The following TNR variants were observed in gnomAD, a reference collection of about 807,000 sequenced individuals.
TNR encodes tenascin-R.
In TNR, 45 loss-of-function variants were observed where a neutral mutation model predicts 150.4. The ratio of observed to expected loss-of-function variants is 0.30; its 90% CI spans 0.24 to 0.38. The LOEUF (loss-of-function observed/expected upper bound fraction) is 0.38, where lower values mean the gene tolerates loss of function less well. TNR is among the 10% of genes least tolerant of loss of function. The pLI is 1.00. For synonymous variants in TNR, 687 were observed against 678.4 expected (o/e 1.01, Z -0.20); for missense variants, 1,544 against 1,759.1 (o/e 0.88, Z 2.19).
intron 1 of TNR, among the ~76,000 whole-genome samples, chr1:175,684,536 C>T (rs1341482020): frequency 2.0e-5 from 3 of 152,158 alleles, no homozygotes; most frequent in Non-Finnish European, 4.4e-5. Context: ...TATAACTGAA[C>T]AACGTTACAC....
intron 1 of TNR, among the ~76,000 whole-genome samples, chr1:175,583,694 C>T (rs549058898): frequency 4.9e-4 from 74 of 152,246 alleles, no homozygotes; most frequent in African/African-American, 1.5e-3. Flanking sequence ...TACCAAATAC[C>T]CCCTTCCCCT....
intron 2 of TNR, among the ~76,000 whole-genome samples, chr1:175,436,281 G>A (rs1413943165): frequency 1.3e-5 from 2 of 152,182 alleles, no homozygotes; most frequent in Non-Finnish European, 2.9e-5. Flanking sequence ...ACACCAATCA[G>A]ACATAGATTT....
intron 1 of TNR, among the ~76,000 whole-genome samples, chr1:175,630,976 G>A (rs1274240643): frequency 1.3e-5 from 2 of 152,152 alleles, no homozygotes; most frequent in East Asian, 1.9e-4. Flanking sequence ...AATTAATTTC[G>A]GCTTTATCTG....
At chr1:175,461,500 C>A (rs1207104697) in intron 2 of TNR, among the ~76,000 whole-genome samples, 1 of 152,120 alleles carries the variant, frequency 6.6e-6, no homozygotes, top group African/African-American at 2.4e-5. Flanking sequence ...TTATCGGGGC[C>A]CTTTCTTAGT....
chr1:175,580,136 T>C (rs1316153770), intron 1 of TNR, among the ~76,000 whole-genome samples: 1 of 152,214 alleles, frequency 6.6e-6, no homozygotes, highest in Non-Finnish European at 1.5e-5. Context: ...TGGCAGCTGA[T>C]GCAAGACAGC....
At chr1:175,570,018 ACTC>A (rs1165837528) in intron 1 of TNR, among the ~76,000 whole-genome samples, 1 of 151,624 alleles carries the variant, frequency 6.6e-6, no homozygotes, top group Non-Finnish European at 1.5e-5. Flanking sequence ...CATCCTACCC[ACTC>A]CTCCTTCACA....
chr1:175,454,441 C>G (rs859457), intron 2 of TNR, among the ~76,000 whole-genome samples: 22,358 of 152,166 alleles, frequency 0.15, 4,866 homozygotes, highest in African/African-American at 0.48. Flanking sequence ...GCAGAGCCCT[C>G]GGAGTATTGG....
At chr1:175,436,466 C>A (rs1378613908) in intron 2 of TNR, among the ~76,000 whole-genome samples, 1 of 152,108 alleles carries the variant, frequency 6.6e-6, no homozygotes, top group Non-Finnish European at 1.5e-5. Flanking sequence ...ATGTAGTTCT[C>A]TTGCCTTGGT....
intron 1 of TNR, among the ~76,000 whole-genome samples, chr1:175,602,654 A>C (rs1663283656): frequency 6.6e-6 from 1 of 152,240 alleles, no homozygotes; most frequent in African/African-American, 2.4e-5. Context: ...ACTCTTGTGA[A>C]GTTGTTGAGG....
intron 1 of TNR, among the ~76,000 whole-genome samples, chr1:175,666,859 A>T (rs1571731477): frequency 6.6e-6 from 1 of 152,062 alleles, no homozygotes; most frequent in Non-Finnish European, 1.5e-5. Flanking sequence ...CAATCCTCCC[A>T]CCTCAGCCTC....
At chr1:175,437,972 C>T (rs1291622201) in intron 2 of TNR, among the ~76,000 whole-genome samples, 1 of 152,198 alleles carries the variant, frequency 6.6e-6, no homozygotes, top group Non-Finnish European at 1.5e-5. Context: ...GGTACCATTC[C>T]TTCTGAAACT....
intron 1 of TNR, among the ~76,000 whole-genome samples, chr1:175,596,303 C>T (rs1161628711): frequency 6.6e-6 from 1 of 151,914 alleles, no homozygotes; most frequent in Non-Finnish European, 1.5e-5. Flanking sequence ...GAGGGTCCTT[C>T]TAGAAGGTCC....
chr1:175,406,547 T>C lies in TNR; in HGVS notation c.168A>G (p.Thr56=), dbSNP rs859399. The C allele has an allele frequency of 0.65, 1,056,264 of 1,613,958 alleles. 348,351 individuals are homozygous for C. Among genetic ancestry groups the C allele is most frequent in the East Asian group, 0.83 (37,365 of 44,856 alleles). ...EEEGGIANYN[T]SSKEQPVVFN... ...AGACCACAGGCTGCTCTTTGCTGGATGTGTTGTAGTTGGCAATGCCTCCCT... is the reference window on the plus strand; with the variant it reads ...AGACCACAGGCTGCTCTTTGCTGGACGTGTTGTAGTTGGCAATGCCTCCCT... Residue 56 remains threonine (T), a synonymous_variant, in exon 3 of 23, where the codon ACA becomes ACG. Transcript: ENST00000367674.
At position 175,642,190 on chromosome 1, in the gene TNR, C is replaced by T. The variant is rs80062508; in HGVS notation, c.-165+101036G>A. 6.6e-3 allele frequency among the ~76,000 whole-genome samples: 999 copies of T among 152,236 alleles called. 7 individuals are homozygous for T. Among genetic ancestry groups the T allele is most frequent in the Non-Finnish European group, 0.011 (758 of 68,018 alleles). On this transcript the variant is annotated intron_variant, in intron 1 of 22. Coordinates refer to ENST00000367674, the MANE Select transcript of TNR (RefSeq NM_003285.3). ...CTTGAAGAACACTTCCCCCACCACC[C>T]GCCCCCAGTCCACAAGGGATAACCA...
chr1:175,363,105 G>A (rs916448801), intron 13 of TNR, among the ~76,000 whole-genome samples: 1 of 152,198 alleles, frequency 6.6e-6, no homozygotes, highest in African/African-American at 2.4e-5. Flanking sequence ...AGAGGGCACC[G>A]ATGCAAGGAG....
rs192966876 is a variant in TNR, at chr1:175,521,122, G to A, written c.-64+7147C>T. Among the ~76,000 whole-genome samples the A allele has an allele frequency of 3.3e-5, 5 of 152,204 alleles. No individual in the cohort carries two copies. In the East Asian group the frequency reaches 9.6e-4, roughly 29 times the overall value. On this transcript the variant is annotated intron_variant, in intron 2 of 22. Coordinates refer to ENST00000367674, the MANE Select transcript of TNR (RefSeq NM_003285.3). ...GGATGGGATGGGGAGTAATTTGAGG[G>A]GCAGGAAGATTCCACTGTGCCAATC...
chr1:175,436,891 G>C (rs891321489), intron 2 of TNR, among the ~76,000 whole-genome samples: 7 of 152,164 alleles, frequency 4.6e-5, no homozygotes, highest in Non-Finnish European at 7.3e-5. Context: ...CAAGTCCTTA[G>C]TGACCTACAA....
At chr1:175,323,581 G>C (rs936225027) in intron 22 of TNR, 105 bp from the exon 23 acceptor site, 7 of 1,469,130 alleles carry the variant, frequency 4.8e-6, no homozygotes, top group Non-Finnish European at 6.4e-6. Context: ...TGTGGGGTTA[G>C]CTATTTTCAG....
intron 2 of TNR, among the ~76,000 whole-genome samples, chr1:175,466,674 G>C (rs531873802): frequency 3.3e-4 from 51 of 152,304 alleles, no homozygotes; most frequent in African/African-American, 1.2e-3. Flanking sequence ...GCTTCTTTCA[G>C]ATCCCTGATG....
Sources: gnomAD v4.1 joint callset for allele counts (sites outside exome capture counted in the v4.1 genomes callset) on GRCh38, gnomAD v4.1.1 for gene constraint, MANE v1.5 for transcripts, NCBI Gene and HGNC (gene_info 2026-07-23, HGNC 2026-07-21) for gene names.